The following SHANK2 variants were observed in gnomAD, a reference collection of about 807,000 sequenced individuals.
The protein encoded by SHANK2 is SH3 and multiple ankyrin repeat domains protein 2.
In SHANK2, 43 loss-of-function variants were observed where a neutral mutation model predicts 133.7. The ratio of observed to expected loss-of-function variants is 0.32; its 90% CI spans 0.25 to 0.41. The LOEUF (loss-of-function observed/expected upper bound fraction) is 0.41. SHANK2 is among the 10% of genes least tolerant of loss of function. SHANK2 has a pLI of 1.00. For synonymous variants in SHANK2, 1,017 were observed against 952.8 expected (o/e 1.07, Z -1.24); for missense variants, 1,994 against 2,235.8 (o/e 0.89, Z 2.18).
chr11:70,953,188 CAGG>C (rs1197186440), intron 10 of SHANK2, among the ~76,000 whole-genome samples: 17 of 152,174 alleles, frequency 1.1e-4, no homozygotes, highest in African/African-American at 3.1e-4. Flanking sequence ...CTGGGCCTAG[CAGG>C]AGGTGTCCGG....
intron 10 of SHANK2, among the ~76,000 whole-genome samples, chr11:70,919,313 A>G (rs1474601774): frequency 1.3e-5 from 2 of 152,028 alleles, no homozygotes; most frequent in African/African-American, 4.8e-5. Context: ...ATTCAAGTAT[A>G]CAATGCATTG....
At chr11:70,862,833 C>G (rs925894986) in intron 11 of SHANK2, 1 of 274,070 alleles carries the variant, frequency 3.6e-6, no homozygotes, top group African/African-American at 2.3e-5. Flanking sequence ...GTCAACTGGG[C>G]AGCAGGACAC....
At chr11:71,248,437 G>C (rs536596903) in intron 1 of SHANK2, among the ~76,000 whole-genome samples, 1 of 152,350 alleles carries the variant, frequency 6.6e-6, no homozygotes. Context: ...CCACCGGGCG[G>C]TGTGGGGTCA....
At chr11:71,085,523 ATATAT>A (rs1343298699) in intron 8 of SHANK2, among the ~76,000 whole-genome samples, 166 of 108,496 alleles carry the variant, frequency 1.5e-3, no homozygotes, top group Non-Finnish European at 2.3e-3. Flanking sequence ...TATATATGCT[ATATAT>A]TATATTATAT....
chr11:70,644,138 C>T (rs2061227533), intron 17 of SHANK2, among the ~76,000 whole-genome samples: 1 of 152,190 alleles, frequency 6.6e-6, no homozygotes, highest in African/African-American at 2.4e-5. Context: ...AAGAACATTG[C>T]TTTTTTAAAA....
intron 8 of SHANK2, among the ~76,000 whole-genome samples, chr11:71,080,700 C>T (rs1951287041): frequency 6.6e-6 from 1 of 152,194 alleles, no homozygotes; most frequent in Non-Finnish European, 1.5e-5. Context: ...ATCATTTCGG[C>T]TCTCACTGGG....
intron 11 of SHANK2, chr11:70,863,459 A>G (rs571331631): frequency 3.1e-5 from 14 of 457,766 alleles, no homozygotes; most frequent in South Asian, 1.2e-4. Flanking sequence ...GGCCACGGCT[A>G]TGTGGTGGAA....
At chr11:70,531,869 C>T (rs528433925) in intron 17 of SHANK2, among the ~76,000 whole-genome samples, 12 of 152,264 alleles carry the variant, frequency 7.9e-5, no homozygotes, top group South Asian at 2.1e-4. Context: ...TTTCCTGCCT[C>T]GCAGCTCTGG....
intron 2 of SHANK2, among the ~76,000 whole-genome samples, chr11:71,187,336 C>T (rs1350054339): frequency 6.6e-6 from 1 of 152,024 alleles, no homozygotes; most frequent in Non-Finnish European, 1.5e-5. Flanking sequence ...TCACGGGTTT[C>T]TCATGTTTTG....
chr11:70,533,505 A>G (rs1011402762), intron 17 of SHANK2, among the ~76,000 whole-genome samples: 2 of 152,156 alleles, frequency 1.3e-5, no homozygotes, highest in African/African-American at 4.8e-5. Context: ...AGCTCCAATC[A>G]CAACCCGGGG....
intron 9 of SHANK2, among the ~76,000 whole-genome samples, chr11:71,069,601 T>C (rs1951116858): frequency 6.6e-6 from 1 of 152,232 alleles, no homozygotes; most frequent in Non-Finnish European, 1.5e-5. Context: ...TTGTTTTCTA[T>C]TTTTAGCCTC....
chr11:70,948,426 A>G (rs1449385885), intron 10 of SHANK2: 2 of 455,490 alleles, frequency 4.4e-6, no homozygotes, highest in Non-Finnish European at 8.8e-6. Context: ...TCGATCCCTG[A>G]TTACTTTTCA....
At chr11:70,684,350 A>G (rs1282694377) in intron 15 of SHANK2, among the ~76,000 whole-genome samples, 2 of 152,132 alleles carry the variant, frequency 1.3e-5, no homozygotes, top group African/African-American at 4.8e-5. Context: ...TGAGGCCAGG[A>G]GTTCAAGACC....
In SHANK2 at chr11:70,500,487, A is replaced by C; in HGVS notation, c.2308+83T>G. The C allele has an allele frequency of 6.5e-7, 1 of 1,542,588 alleles. No individual in the cohort carries two copies. Among genetic ancestry groups the C allele is most frequent in the South Asian group, 1.2e-5 (1 of 84,188 alleles). On this transcript the variant is annotated intron_variant, in intron 21 of 25. Coordinates refer to ENST00000601538, the MANE Select transcript of SHANK2 (RefSeq NM_012309.5). This position sits in a 1 kb window ranked among gnomAD's most constrained non-coding sequence, Gnocchi z 4.5. ...AACAAGGCTTTGCGACACATTTGAG[A>C]CTTCACGGCATCACAAAGGATGTTT...
chr11:70,523,673 T>C (rs781973419), intron 17 of SHANK2, among the ~76,000 whole-genome samples: 5 of 152,170 alleles, frequency 3.3e-5, no homozygotes, highest in Admixed American at 6.5e-5. Flanking sequence ...TGGAGGGCAG[T>C]GTTCACCGCT....
At chr11:70,650,432 T>G (rs1270900921) in intron 17 of SHANK2, among the ~76,000 whole-genome samples, 1 of 152,178 alleles carries the variant, frequency 6.6e-6, no homozygotes, top group African/African-American at 2.4e-5. Context: ...TCCTCCCAGC[T>G]GTCTAGTTCA....
chr11:70,595,558 C>A (rs2060388191), intron 17 of SHANK2, among the ~76,000 whole-genome samples: 2 of 152,194 alleles, frequency 1.3e-5, no homozygotes, highest in South Asian at 4.1e-4. Flanking sequence ...GGAGCCCAGC[C>A]TACAGCCCCT....
chr11:70,752,328 A>G (rs1946765502), intron 14 of SHANK2, among the ~76,000 whole-genome samples: 1 of 152,222 alleles, frequency 6.6e-6, no homozygotes, highest in South Asian at 2.1e-4. Flanking sequence ...ACACACACTA[A>G]TAAGAAGAAA....
intron 9 of SHANK2, among the ~76,000 whole-genome samples, chr11:71,058,861 A>G (rs1007786327): frequency 0.62 from 94,662 of 152,258 alleles, 31,380 homozygotes; most frequent in African/African-American, 0.87. Flanking sequence ...GGAACAGCAA[A>G]ATGCCAAGCT....
Sources: allele counts gnomAD v4.1 joint callset (sites outside exome capture counted in the v4.1 genomes callset), GRCh38; gene constraint gnomAD v4.1.1; non-coding constraint Gnocchi (gnomAD v3.1); transcripts MANE v1.5; gene names NCBI Gene and HGNC (gene_info 2026-07-23, HGNC 2026-07-21).